The following SGO2 variants were observed in gnomAD, a reference collection of about 807,000 sequenced individuals.
The protein encoded by SGO2 is shugoshin 2, also known as shugoshin-like 2.
In SGO2, 68 loss-of-function variants were observed where a neutral mutation model predicts 99.5. The observed-to-expected ratio is 0.68, with a 90% confidence interval of 0.56 to 0.84. SGO2 has a LOEUF of 0.84. SGO2 is among the 40% of genes least tolerant of loss of function. The pLI is 0.00. For missense variants in SGO2, 1,350 were observed against 1,436.7 expected (o/e 0.94, Z 0.97); for synonymous variants, 457 against 487.1 (o/e 0.94, Z 0.81).
chr2:200,575,390 T>C lies in SGO2; in HGVS notation c.3711T>C (p.Asp1237=). The part of the protein sequence containing the change: ...NTAESENKSE[D]LSSERTSRRR... The stretch of plus-strand genomic sequence containing the variant: ...CTGAATCTGAAAATAAGTCAGAAGA[T>C]CTATCTTCAGAACGGACAAGCAGAA... The change falls in exon 8 of 9, where the codon GAT becomes GAC. Residue 1237 remains aspartate (D), a synonymous_variant. Coordinates refer to ENST00000357799, the MANE Select transcript of SGO2 (RefSeq NM_152524.6). 3 of 1,607,002 alleles carry C rather than the reference T, an allele frequency of 1.9e-6. No individual in the cohort carries two copies. In the South Asian group the frequency reaches 3.3e-5, roughly 18 times the overall value.
rs1299232913 is a variant in SGO2, at chr2:200,572,996, T to C, written c.2650T>C (p.Leu884=). 2 of 1,580,262 alleles carry C rather than the reference T, an allele frequency of 1.3e-6. No homozygotes were observed. The highest frequency in any genetic ancestry group is 1.7e-6 in the Non-Finnish European group (2 of 1,168,562). Residue 884 remains leucine (L), a synonymous_variant, in exon 7 of 9, where the codon TTG becomes CTG. Transcript: ENST00000357799. ...ATGTGATTATGACACCCAGAATATA[T>C]TGGAGTTGAAAAAGTATGTTACTGA... ...NLCDYDTQNI[L]ELKKYVTDRK...
chr2:200,571,211 A>G lies in SGO2; in HGVS notation c.865A>G (p.Thr289Ala). ...GGAATCAAATAATCTTTCTGCAGAC[A>G]CTCCCTGTGCAACAGTTTTAGATAA... is the stretch of plus-strand genomic sequence containing the variant. The part of the protein sequence containing the change: ...SWESNNLSAD[T>A]PCATVLDKQH... Residue 289 changes from threonine (T) to alanine (A), a missense_variant, in exon 7 of 9, where the codon ACT becomes GCT. Transcript: ENST00000357799. The G allele has an allele frequency of 6.2e-7, 1 of 1,613,538 alleles. No homozygotes were observed. Among genetic ancestry groups the G allele is most frequent in the East Asian group, 2.2e-5 (1 of 44,858 alleles).
At chr2:200,580,269 T>C (rs2033798935) in intron 8 of SGO2, among the ~76,000 whole-genome samples, 1 of 152,164 alleles carries the variant, frequency 6.6e-6, no homozygotes, top group Admixed American at 6.5e-5. Context: ...AAATCTTTTT[T>C]CCCATAATTA....
chr2:200,542,246 A>G (rs1007480911), intron 4 of SGO2, among the ~76,000 whole-genome samples: 1 of 152,200 alleles, frequency 6.6e-6, no homozygotes, highest in African/African-American at 2.4e-5. Context: ...TATAAAATTC[A>G]ATAAAATATT....
chr2:200,550,717 CAAAACTATGA>C (rs2032444205), intron 5 of SGO2, among the ~76,000 whole-genome samples: 1 of 151,962 alleles, frequency 6.6e-6, no homozygotes, highest in African/African-American at 2.4e-5. Context: ...ATCTAAGACC[CAAAACTATGA>C]AACTATTAGA....
Position 200,571,436 on chromosome 2 carries a change from G to C in SGO2, c.1090G>C (p.Asp364His), listed in dbSNP as rs755694136. 1 of 1,610,808 alleles carries C rather than the reference G, an allele frequency of 6.2e-7. No homozygotes were observed. Among genetic ancestry groups the C allele is most frequent in the African/African-American group, 1.3e-5 (1 of 74,770 alleles). Residue 364 changes from aspartate to histidine, a missense_variant, in exon 7 of 9, where the codon GAC (aspartate) becomes CAC (histidine). Coordinates refer to ENST00000357799, the MANE Select transcript of SGO2 (RefSeq NM_152524.6). ...FQLQKTVYDA[D>H]MDLTASEVSK... ...ATTGCAGAAAACTGTGTATGATGCTGACATGGATTTAACTGCTAGTGAAGT... is the reference window on the plus strand; with the variant it reads ...ATTGCAGAAAACTGTGTATGATGCTCACATGGATTTAACTGCTAGTGAAGT...
chr2:200,552,527 A>ATTCATGAGTT (rs2032536033), intron 5 of SGO2, among the ~76,000 whole-genome samples: 1 of 152,154 alleles, frequency 6.6e-6, no homozygotes, highest in Non-Finnish European at 1.5e-5. Flanking sequence ...GGGGTGGATT[A>ATTCATGAGTT]TTCATGAGTT....
chr2:200,554,993 C>T (rs1214882374), intron 5 of SGO2, among the ~76,000 whole-genome samples: 1 of 152,026 alleles, frequency 6.6e-6, no homozygotes. Context: ...CAGAATAATA[C>T]CCCTTTAATA....
Position 200,572,378 on chromosome 2 carries a change from G to T in SGO2, c.2032G>T (p.Glu678Ter). The change falls in exon 7 of 9, where the codon GAA becomes TAA. Residue 678 changes from glutamate (E) to a stop codon, truncating the protein, a stop_gained. Coordinates refer to ENST00000357799, the MANE Select transcript of SGO2 (RefSeq NM_152524.6). LOFTEE classifies it high-confidence loss of function. ...QIPALSTRDN[E>*]NQCDYRTQNV... is the part of the protein sequence containing the mutation. ...CCCAGCTCTTTCTACTAGAGATAAT[G>T]AAAATCAATGTGACTATAGGACCCA... 6.2e-7 allele frequency: 1 copy of T among 1,613,302 alleles called. No individual in the cohort carries two copies. The highest frequency in any genetic ancestry group is 8.5e-7 in the Non-Finnish European group (1 of 1,179,580).
intron 8 of SGO2, among the ~76,000 whole-genome samples, chr2:200,578,770 G>T (rs1477579558): frequency 2.0e-5 from 3 of 152,276 alleles, no homozygotes; most frequent in African/African-American, 7.2e-5. Context: ...CTTGTTTATT[G>T]TAGAGGATCT....
intron 5 of SGO2, among the ~76,000 whole-genome samples, chr2:200,549,016 G>A (rs1027770849): frequency 6.6e-6 from 1 of 152,046 alleles, no homozygotes; most frequent in Non-Finnish European, 1.5e-5. Flanking sequence ...CAGCCCTTTG[G>A]GAGGCCAAGG....
intron 8 of SGO2, 140 bp downstream of exon 8, chr2:200,575,601 G>A (rs1574885838): frequency 1.7e-6 from 1 of 592,596 alleles, no homozygotes; most frequent in Admixed American, 3.1e-5. Flanking sequence ...TATGATTTGG[G>A]TAAGAGTTGA....
intron 8 of SGO2, among the ~76,000 whole-genome samples, chr2:200,580,225 T>C (rs1451582933): frequency 6.6e-6 from 1 of 152,180 alleles, no homozygotes; most frequent in Non-Finnish European, 1.5e-5. Context: ...GTCTGCAAAG[T>C]ATCTTTTATG....
Position 200,571,121 on chromosome 2 carries a change from G to A in SGO2, c.775G>A (p.Gly259Ser). The stretch of plus-strand genomic sequence containing the variant: ...TGAGATGAGAAACGCCCAGTCTATT[G>A]GCCGCAGATGGGAGAAACCATCTCC... ...MSEMRNAQSI[G>S]RRWEKPSPSN... The change falls in exon 7 of 9, where the codon GGC (glycine) becomes AGC (serine). Residue 259 changes from glycine to serine, a missense_variant. By Grantham distance (56) the Gly-to-Ser change is moderately conservative (BLOSUM62 0). Transcript: ENST00000357799. The A allele has an allele frequency of 1.2e-6, 2 of 1,613,414 alleles. No homozygotes were observed. Among genetic ancestry groups the A allele is most frequent in the Non-Finnish European group, 1.7e-6 (2 of 1,179,590 alleles).
Position 200,572,312 on chromosome 2 carries a change from C to G in SGO2, c.1966C>G (p.Pro656Ala). 6.2e-7 allele frequency: 1 copy of G among 1,608,502 alleles called. No individual in the cohort carries two copies. Among genetic ancestry groups the G allele is most frequent in the South Asian group, 1.1e-5 (1 of 89,488 alleles). ...TTTCAAAACCCAAGAGGATAAAGAA[C>G]CTATCTCTGAAAACATAGAAGTTTC... ...FFFKTQEDKE[P>A]ISENIEVSKE... Residue 656 changes from proline (P) to alanine (A), a missense_variant, in exon 7 of 9, where the codon CCT becomes GCT. Pro to Ala is a conservative substitution (Grantham distance 27, BLOSUM62 -1). Transcript: ENST00000357799.
At chr2:200,579,667 T>C (rs1456110551) in intron 8 of SGO2, among the ~76,000 whole-genome samples, 2 of 152,226 alleles carry the variant, frequency 1.3e-5, no homozygotes, top group African/African-American at 4.8e-5. Flanking sequence ...GTTGATGAGT[T>C]TTCCAGTACC....
intron 8 of SGO2, among the ~76,000 whole-genome samples, chr2:200,575,913 G>A (rs139475754): frequency 0.011 from 1,727 of 152,196 alleles, 55 homozygotes; most frequent in Admixed American, 0.059. Context: ...AGAGAATAGT[G>A]CCCTCCTCCA....
intron 8 of SGO2, among the ~76,000 whole-genome samples, chr2:200,578,434 C>A (rs1472481719): frequency 6.6e-6 from 1 of 152,142 alleles, no homozygotes; most frequent in East Asian, 1.9e-4. Flanking sequence ...AGGTGCTCTG[C>A]TTAGGGTCTG....
At chr2:200,576,020 T>C (rs1171200220) in intron 8 of SGO2, 2 of 345,334 alleles carry the variant, frequency 5.8e-6, no homozygotes, top group African/African-American at 4.4e-5. Context: ...TATTGAGTCA[T>C]TTAATTCTTA....
Sources: allele counts gnomAD v4.1 joint callset (sites outside exome capture counted in the v4.1 genomes callset), GRCh38; gene constraint gnomAD v4.1.1; transcripts MANE v1.5; gene names NCBI Gene and HGNC (gene_info 2026-07-23, HGNC 2026-07-21).